The following LUZP2 variants were observed in gnomAD, a reference collection of about 807,000 sequenced individuals.
LUZP2 encodes leucine zipper protein 2.
LUZP2 carries 52 observed loss-of-function variants against 51.6 expected under a neutral mutation model. That is an observed-to-expected ratio of 1.01 (90% CI 0.81 to 1.27). The LOEUF (loss-of-function observed/expected upper bound fraction) is 1.27. Among genes scored for constraint, LUZP2 ranks in the 50% most tolerant of loss-of-function variants. LUZP2 has a pLI of 0.00. For missense variants in LUZP2, 436 were observed against 395.4 expected (o/e 1.10, Z -0.87); for synonymous variants, 154 against 137.3 (o/e 1.12, Z -0.85).
intron 1 of LUZP2, among the ~76,000 whole-genome samples, chr11:24,534,079 C>T (rs1851095413): frequency 6.6e-6 from 1 of 151,106 alleles, no homozygotes; most frequent in Non-Finnish European, 1.5e-5. Context: ...AATTGTTTCC[C>T]TTTGTATTTA....
At chr11:25,037,884 T>G (rs910221245) in intron 9 of LUZP2, among the ~76,000 whole-genome samples, 1 of 151,984 alleles carries the variant, frequency 6.6e-6, no homozygotes, top group African/African-American at 2.4e-5. Flanking sequence ...TCTAGCTGCC[T>G]TTAAGATTTT....
At chr11:24,807,386 C>T (rs141847113) in intron 5 of LUZP2, among the ~76,000 whole-genome samples, 3,864 of 150,602 alleles carry the variant, frequency 0.026, 144 homozygotes, top group African/African-American at 0.086. Context: ...CACTTGAATC[C>T]GGAGGCGGAG....
intron 1 of LUZP2, among the ~76,000 whole-genome samples, chr11:24,608,687 C>A (rs1022849612): frequency 1.3e-5 from 2 of 152,228 alleles, no homozygotes; most frequent in South Asian, 2.1e-4. Context: ...CACACACACA[C>A]AAATTGATTT....
At chr11:24,705,474 G>T (rs555870031) in intron 1 of LUZP2, among the ~76,000 whole-genome samples, 1 of 152,310 alleles carries the variant, frequency 6.6e-6, no homozygotes, top group African/African-American at 2.4e-5. Flanking sequence ...GGGGGATTTG[G>T]TTTCAATGCT....
intron 5 of LUZP2, among the ~76,000 whole-genome samples, chr11:24,789,188 G>C (rs1849336288): frequency 6.6e-6 from 1 of 152,054 alleles, no homozygotes; most frequent in Non-Finnish European, 1.5e-5. Flanking sequence ...TCATCATTTG[G>C]CTTTCATTTG....
intron 1 of LUZP2, among the ~76,000 whole-genome samples, chr11:24,577,755 T>A (rs886275656): frequency 6.6e-6 from 1 of 152,156 alleles, no homozygotes; most frequent in Admixed American, 6.6e-5. Flanking sequence ...TATGAACTAA[T>A]GATTGCTATT....
intron 1 of LUZP2, among the ~76,000 whole-genome samples, chr11:24,652,066 ATGTTGTATATGTGTGTACACATGT>A (rs1855641760): frequency 6.6e-6 from 1 of 150,750 alleles, no homozygotes; most frequent in South Asian, 2.1e-4. Context: ...GTGTGTACAC[ATGTTGTATATGTGTGTACACATGT>A]TGTGCATGTG....
At chr11:24,829,811 C>T (rs960600344) in intron 5 of LUZP2, among the ~76,000 whole-genome samples, 2 of 152,162 alleles carry the variant, frequency 1.3e-5, no homozygotes, top group Non-Finnish European at 2.9e-5. Flanking sequence ...AAGATTATTT[C>T]CTGATTTCTA....
chr11:24,616,009 G>T (rs190249170), intron 1 of LUZP2, among the ~76,000 whole-genome samples: 1 of 149,960 alleles, frequency 6.7e-6, no homozygotes, highest in African/African-American at 2.5e-5. Flanking sequence ...TCCTAGTTTG[G>T]TTGCCTTTTT....
At chr11:25,019,640 C>T (rs1230532236) in intron 9 of LUZP2, among the ~76,000 whole-genome samples, 2 of 152,078 alleles carry the variant, frequency 1.3e-5, no homozygotes, top group African/African-American at 4.8e-5. Context: ...ATCCGTTCAA[C>T]TCAATAGCAT....
intron 1 of LUZP2, among the ~76,000 whole-genome samples, chr11:24,529,865 A>G (rs1850940481): frequency 6.6e-6 from 1 of 150,996 alleles, no homozygotes; most frequent in African/African-American, 2.4e-5. Context: ...AATAATTAAC[A>G]ATATTTGATC....
intron 1 of LUZP2, among the ~76,000 whole-genome samples, chr11:24,520,466 GA>G (rs1463238862): frequency 6.6e-6 from 1 of 152,182 alleles, no homozygotes; most frequent in Non-Finnish European, 1.5e-5. Flanking sequence ...CACATATAAT[GA>G]AAAGGTTGTA....
intron 1 of LUZP2, among the ~76,000 whole-genome samples, chr11:24,690,918 C>A (rs1244456224): frequency 6.6e-6 from 1 of 151,978 alleles, no homozygotes; most frequent in Non-Finnish European, 1.5e-5. Flanking sequence ...TTTAAGAGCA[C>A]AAATTTTAAG....
intron 9 of LUZP2, among the ~76,000 whole-genome samples, chr11:25,041,194 T>C (rs1360917050): frequency 6.6e-6 from 1 of 152,184 alleles, no homozygotes; most frequent in African/African-American, 2.4e-5. Context: ...TGCCTGAAAC[T>C]GGATAGTATT....
At chr11:24,736,614 C>T (rs1169363544) in intron 3 of LUZP2, among the ~76,000 whole-genome samples, 1 of 151,810 alleles carries the variant, frequency 6.6e-6, no homozygotes, top group African/African-American at 2.4e-5. Flanking sequence ...TGTTATCTGT[C>T]ATAACATGAA....
At chr11:24,809,924 A>G (rs993592783) in intron 5 of LUZP2, among the ~76,000 whole-genome samples, 4 of 152,194 alleles carry the variant, frequency 2.6e-5, no homozygotes, top group Admixed American at 2.6e-4. Context: ...TAGTTATATA[A>G]TAGGGAAATA....
At chr11:24,680,998 G>A (rs1291661093) in intron 1 of LUZP2, among the ~76,000 whole-genome samples, 4 of 143,350 alleles carry the variant, frequency 2.8e-5, no homozygotes, top group Admixed American at 7.2e-5. Context: ...TTTTTGAGAC[G>A]GAGTCTCGCT....
intron 1 of LUZP2, among the ~76,000 whole-genome samples, chr11:24,517,098 A>G (rs906884): frequency 0.098 from 14,910 of 152,216 alleles, 1,091 homozygotes; most frequent in African/African-American, 0.21. Flanking sequence ...AAGTTGAAAC[A>G]TATGCATGAA....
At chr11:24,632,447 C>T (rs760803978) in intron 1 of LUZP2, among the ~76,000 whole-genome samples, 10 of 152,006 alleles carry the variant, frequency 6.6e-5, no homozygotes, top group Non-Finnish European at 1.5e-4. Context: ...TTTTAACTAG[C>T]TTCCCCCATA....
Sources: gnomAD v4.1 joint callset for allele counts (sites outside exome capture counted in the v4.1 genomes callset) on GRCh38, gnomAD v4.1.1 for gene constraint, MANE v1.5 for transcripts, NCBI Gene and HGNC (gene_info 2026-07-23, HGNC 2026-07-21) for gene names.